Variants in SMAD9 observed in about 807,000 individuals in gnomAD.
SMAD9 encodes the protein SMAD family member 9.
A neutral mutation model predicts 46.1 loss-of-function variants in SMAD9; 36 were observed. That is an observed-to-expected ratio of 0.78 (90% CI 0.60 to 1.03). The LOEUF (loss-of-function observed/expected upper bound fraction) is 1.03, where lower values mean the gene tolerates loss of function less well. SMAD9 is among the 50% of genes least tolerant of loss of function. The pLI, the probability that SMAD9 is intolerant of heterozygous loss-of-function variation, is 0.00. For synonymous variants in SMAD9, 245 were observed against 237.1 expected (o/e 1.03, Z -0.31); for missense variants, 572 against 599.8 (o/e 0.95, Z 0.48).
At chr13:36,885,031 T>C (rs1355401301) in intron 1 of SMAD9, among the ~76,000 whole-genome samples, 3 of 152,208 alleles carry the variant, frequency 2.0e-5, no homozygotes, top group Non-Finnish European at 2.9e-5. Context: ...TTCAAACTTA[T>C]CAATTTTGAC....
At chr13:36,910,286 T>C (rs952556278) in intron 1 of SMAD9, among the ~76,000 whole-genome samples, 3 of 151,664 alleles carry the variant, frequency 2.0e-5, no homozygotes, top group Admixed American at 1.3e-4. Context: ...TGTTCAAATG[T>C]AGAGATGGAA....
chr13:36,895,433 G>C (rs7988710), intron 1 of SMAD9, among the ~76,000 whole-genome samples: 4,462 of 152,238 alleles, frequency 0.029, 197 homozygotes, highest in African/African-American at 0.095. Flanking sequence ...GCGTTACAGG[G>C]TGTTTAGCAG....
chr13:36,866,894 T>G (rs1294050714), intron 4 of SMAD9, among the ~76,000 whole-genome samples: 1 of 152,200 alleles, frequency 6.6e-6, no homozygotes, highest in Non-Finnish European at 1.5e-5. Context: ...AAAACCTCAT[T>G]TATGTATATT....
chr13:36,906,661 T>C (rs924799268), intron 1 of SMAD9, among the ~76,000 whole-genome samples: 1 of 152,196 alleles, frequency 6.6e-6, no homozygotes, highest in African/African-American at 2.4e-5. Flanking sequence ...TCAACATCAT[T>C]AGTTACTAGG....
chr13:36,880,789 C>A (rs897676137), intron 1 of SMAD9, among the ~76,000 whole-genome samples: 1 of 151,736 alleles, frequency 6.6e-6, no homozygotes, highest in Non-Finnish European at 1.5e-5. Context: ...TAATATAAAA[C>A]AATAATACTC....
In SMAD9 at chr13:36,856,202, CG is replaced by C. The variant is rs756172691; in HGVS notation, c.1004-2528del. On this transcript the variant is annotated intron_variant, in intron 5 of 6. Transcript: ENST00000379826. ...GAAAGACCTGCCTTGTGAGGGTGGG[CG>C]GAGGTTTTTTCAAGAGGGAAAGCAG... Among the ~76,000 whole-genome samples the C allele has an allele frequency of 1.9e-4, 29 of 152,128 alleles. No individual in the cohort carries two copies. In the East Asian group the frequency reaches 3.3e-3, roughly 17 times the overall value.
intron 3 of SMAD9, among the ~76,000 whole-genome samples, chr13:36,872,341 C>T (rs1301309377): frequency 6.7e-6 from 1 of 148,478 alleles, no homozygotes; most frequent in Non-Finnish European, 1.5e-5. Flanking sequence ...GCTTGGATTA[C>T]AGAAGTCTTT....
intron 1 of SMAD9, among the ~76,000 whole-genome samples, chr13:36,912,599 C>G (rs947748086): frequency 2.0e-5 from 3 of 152,060 alleles, no homozygotes; most frequent in African/African-American, 7.2e-5. Context: ...CACCCTTGAA[C>G]CAGTAAAGGG....
chr13:36,853,347 A>C (rs1280418564), intron 6 of SMAD9, 72 bp downstream of exon 6: 41 of 1,452,518 alleles, frequency 2.8e-5, no homozygotes, highest in Non-Finnish European at 3.7e-5. Context: ...ACTGCCTGCC[A>C]CATCAGTCAG....
intron 1 of SMAD9, among the ~76,000 whole-genome samples, chr13:36,897,493 A>ACTCTCC: frequency 6.6e-6 from 1 of 152,002 alleles, no homozygotes; most frequent in Admixed American, 6.6e-5. Context: ...TATACAAGAG[A>ACTCTCC]CTCTCCCACA....
intron 5 of SMAD9, among the ~76,000 whole-genome samples, chr13:36,862,730 T>C (rs1395767807): frequency 6.6e-6 from 1 of 152,214 alleles, no homozygotes; most frequent in African/African-American, 2.4e-5. Flanking sequence ...TCACCCCAAA[T>C]TCTTTCTTGT....
chr13:36,847,835 A>C lies in SMAD9; in HGVS notation c.*841T>G, dbSNP rs147064809. Reference sequence around the variant, plus strand: ...TATTCTGGCACGCTGCGCAGACTCAAAGTTTGCAGGACTGCCTGACACGAA... The same window carrying C: ...TATTCTGGCACGCTGCGCAGACTCACAGTTTGCAGGACTGCCTGACACGAA... On this transcript the variant is annotated 3_prime_UTR_variant, in exon 7 of 7. Coordinates refer to ENST00000379826, the MANE Select transcript of SMAD9 (RefSeq NM_001127217.3). The C allele has an allele frequency of 6.6e-6, 1 of 152,346 alleles. No individual in the cohort carries two copies. Among genetic ancestry groups the C allele is most frequent in the African/African-American group, 2.4e-5 (1 of 41,580 alleles). 9.4% of individuals were successfully genotyped at this position (152,346 alleles called of 1,614,324 possible). A position where few individuals can be genotyped will look rare whatever the true frequency, so the allele number is the denominator to read the frequency against.
intron 1 of SMAD9, among the ~76,000 whole-genome samples, chr13:36,903,706 C>T (rs1424036375): frequency 6.6e-6 from 1 of 151,870 alleles, no homozygotes; most frequent in Non-Finnish European, 1.5e-5. Context: ...GTTAATTTTA[C>T]AGTCATACTA....
intron 6 of SMAD9, chr13:36,852,319 C>T (rs1347638978): frequency 1.0e-6 from 1 of 985,214 alleles, no homozygotes. Flanking sequence ...TGGATGGAAT[C>T]ATGGCAGTAA....
chr13:36,874,900 T>G (rs1040685813), intron 2 of SMAD9, among the ~76,000 whole-genome samples: 7 of 147,536 alleles, frequency 4.7e-5, no homozygotes, highest in Admixed American at 6.8e-5. Context: ...TATATGTATA[T>G]GTATGTATGT....
intron 5 of SMAD9, among the ~76,000 whole-genome samples, chr13:36,863,892 G>C (rs905273218): frequency 1.3e-5 from 2 of 152,124 alleles, no homozygotes; most frequent in African/African-American, 4.8e-5. Context: ...CTTTATAGCA[G>C]TGAAACAGAC....
intron 1 of SMAD9, among the ~76,000 whole-genome samples, chr13:36,898,543 G>C (rs2058548357): frequency 6.6e-6 from 1 of 152,072 alleles, no homozygotes; most frequent in South Asian, 2.1e-4. Flanking sequence ...CAGCAGTATA[G>C]AAAGGACTAA....
chr13:36,854,014 C>G (rs760408495), intron 5 of SMAD9, among the ~76,000 whole-genome samples: 1 of 152,004 alleles, frequency 6.6e-6, no homozygotes, highest in Admixed American at 6.6e-5. Context: ...CAAAAATTAA[C>G]CAGGCATGGT....
At position 36,867,380 on chromosome 13, in the gene SMAD9, T is replaced by C. The variant is rs909059102; in HGVS notation, c.674A>G (p.Asp225Gly). The C allele has an allele frequency of 1.3e-6, 2 of 1,543,558 alleles. No homozygotes were observed. Among genetic ancestry groups the C allele is most frequent in the African/African-American group, 2.8e-5 (2 of 72,678 alleles). The change falls in exon 4 of 7, where the codon GAC becomes GGC. Residue 225 changes from aspartate (D) to glycine (G), a missense_variant. Physicochemically the swap from Asp to Gly is moderately conservative, Grantham distance 94. Coordinates refer to ENST00000379826, the MANE Select transcript of SMAD9 (RefSeq NM_001127217.3). ...EPESPYQHSV[D>G]TPPLPYHATE... The stretch of plus-strand genomic sequence containing the variant: ...GGCATGATAAGGCAGGGGTGGTGTG[T>C]CAACTAAAAGAAAGCAGTAGAACAA...
Sources: allele counts gnomAD v4.1 joint callset (sites outside exome capture counted in the v4.1 genomes callset), GRCh38; gene constraint gnomAD v4.1.1; transcripts MANE v1.5; gene names NCBI Gene and HGNC (gene_info 2026-07-23, HGNC 2026-07-21).